The following KCNIP4 variants were observed in gnomAD, a reference collection of about 807,000 sequenced individuals.
KCNIP4 encodes potassium voltage-gated channel interacting protein 4.
In KCNIP4, 12 loss-of-function variants were observed where a neutral mutation model predicts 34.0. The observed-to-expected ratio is 0.35, with a 90% confidence interval of 0.23 to 0.57. The LOEUF (loss-of-function observed/expected upper bound fraction) is 0.57. Among genes scored for constraint, KCNIP4 ranks in the 20% least tolerant of loss-of-function variants. The probability of loss-of-function intolerance (pLI) is 0.83; values close to 1 mark genes in which losing one functional copy is unlikely to be tolerated. For missense variants in KCNIP4, 238 were observed against 311.7 expected, an observed-to-expected ratio of 0.76 and a Z score of 1.78; for synonymous variants, 124 against 102.2, an observed-to-expected ratio of 1.21 and a Z score of -1.29.
At chr4:21,900,675 G>C (rs141990546) in intron 1 of KCNIP4, among the ~76,000 whole-genome samples, 133 of 152,248 alleles carry the variant, frequency 8.7e-4, no homozygotes, top group African/African-American at 2.8e-3. Flanking sequence ...TGCATCTTAA[G>C]TTTTGATTTC....
chr4:21,793,190 T>C (rs991502577), intron 1 of KCNIP4, among the ~76,000 whole-genome samples: 1 of 152,242 alleles, frequency 6.6e-6, no homozygotes, highest in Non-Finnish European at 1.5e-5. Flanking sequence ...AAATATAAGA[T>C]AGTATCAGTT....
At chr4:21,770,915 T>C (rs1281978868) in intron 1 of KCNIP4, among the ~76,000 whole-genome samples, 1 of 152,218 alleles carries the variant, frequency 6.6e-6, no homozygotes, top group African/African-American at 2.4e-5. Context: ...CTGATGATAG[T>C]TTCTTTGCTG....
intron 3 of KCNIP4, among the ~76,000 whole-genome samples, chr4:20,783,238 C>T (rs75043597): frequency 0.032 from 4,878 of 152,232 alleles, 223 homozygotes; most frequent in African/African-American, 0.1. Context: ...TCTTCTGAGC[C>T]CTCCAAGCTG....
intron 1 of KCNIP4, among the ~76,000 whole-genome samples, chr4:21,006,625 T>C (rs557569929): frequency 1.3e-5 from 2 of 152,282 alleles, no homozygotes; most frequent in South Asian, 4.1e-4. Flanking sequence ...TACAGAAGCA[T>C]GGAAGAATGG....
At chr4:21,027,107 G>A (rs1325828335) in intron 1 of KCNIP4, among the ~76,000 whole-genome samples, 1 of 152,188 alleles carries the variant, frequency 6.6e-6, no homozygotes, top group Non-Finnish European at 1.5e-5. Context: ...TTTCTTAAGA[G>A]CTTTTTGAAC....
intron 1 of KCNIP4, among the ~76,000 whole-genome samples, chr4:21,204,024 C>T (rs1271507417): frequency 6.6e-6 from 1 of 152,138 alleles, no homozygotes; most frequent in Non-Finnish European, 1.5e-5. Context: ...ATGCTCATCG[C>T]TGGGTTGGTT....
intron 3 of KCNIP4, among the ~76,000 whole-genome samples, chr4:20,759,849 CAT>C (rs1182022687): frequency 6.6e-6 from 1 of 152,070 alleles, no homozygotes; most frequent in Non-Finnish European, 1.5e-5. Context: ...AGAATTGAAT[CAT>C]GTGAGATATT....
chr4:21,699,948 G>T (rs1488752555), intron 1 of KCNIP4, among the ~76,000 whole-genome samples: 1 of 152,106 alleles, frequency 6.6e-6, no homozygotes, highest in Admixed American at 6.6e-5. Flanking sequence ...GCCTGGAGTG[G>T]AAATACAGGT....
At chr4:21,477,363 G>A (rs1280217187) in intron 1 of KCNIP4, among the ~76,000 whole-genome samples, 2 of 152,026 alleles carry the variant, frequency 1.3e-5, no homozygotes, top group Non-Finnish European at 2.9e-5. Flanking sequence ...CTCTCCTCTA[G>A]GTCTTGATAA....
At chr4:20,857,175 C>T (rs767150910) in intron 2 of KCNIP4, among the ~76,000 whole-genome samples, 47 of 151,972 alleles carry the variant, frequency 3.1e-4, no homozygotes, top group Non-Finnish European at 6.3e-4. Context: ...GGGTGACAGG[C>T]TCTAAAAACA....
chr4:20,988,588 G>GA (rs1736803378), intron 1 of KCNIP4, among the ~76,000 whole-genome samples: 1 of 152,144 alleles, frequency 6.6e-6, no homozygotes, highest in Non-Finnish European at 1.5e-5. Context: ...GCAAGATTGA[G>GA]AAAAACGTTA....
rs76943471 is a variant in KCNIP4 at position 20,778,878 on chromosome 4, A to T, written c.289-19988T>A. Among the ~76,000 whole-genome samples, 619 of 152,272 alleles carry T rather than the reference A, an allele frequency of 4.1e-3. 4 individuals are homozygous for T. The highest frequency in any genetic ancestry group is 0.014 in the African/African-American group (594 of 41,574). ...AGAGAGAGCTGTGTGTGCATGTAAA[A>T]GTTGTTGTTATTGCTGATTTGGAAT... On this transcript the variant is annotated intron_variant, in intron 3 of 8. Transcript: ENST00000382152.
rs111215818 is a variant in KCNIP4 at position 21,234,091 on chromosome 4, T to C, written c.62-351382A>G. On this transcript the variant is annotated intron_variant, in intron 1 of 8. Coordinates refer to ENST00000382152, the MANE Select transcript of KCNIP4 (RefSeq NM_025221.6). ...ACATAACATAACATATAACGTATAT[T>C]ATATATAACATATATAACGTATATT... Among the ~76,000 whole-genome samples the C allele has an allele frequency of 7.5e-5, 7 of 93,050 alleles. 3 individuals carry two copies. The highest frequency in any genetic ancestry group is 3.7e-4 in the African/African-American group (6 of 16,208). The allele number at this position is 93,050 out of a possible 152,430, so 61.0% of individuals were successfully genotyped here.
At chr4:20,875,480 A>T (rs1010293786) in intron 2 of KCNIP4, among the ~76,000 whole-genome samples, 2 of 152,212 alleles carry the variant, frequency 1.3e-5, no homozygotes, top group Admixed American at 1.3e-4. Context: ...GTAAGTTCTA[A>T]ATGTTTGTTA....
chr4:21,318,920 A>C (rs1435872385), intron 1 of KCNIP4, among the ~76,000 whole-genome samples: 1 of 152,144 alleles, frequency 6.6e-6, no homozygotes, highest in Non-Finnish European at 1.5e-5. Flanking sequence ...CTGTGAAAAA[A>C]ACTCAACATA....
intron 1 of KCNIP4, among the ~76,000 whole-genome samples, chr4:21,568,640 C>T (rs1173540759): frequency 6.6e-6 from 1 of 152,130 alleles, no homozygotes; most frequent in African/African-American, 2.4e-5. Flanking sequence ...AAACATCAGA[C>T]TCTAAGTTCT....
chr4:21,732,037 T>C (rs940970524), intron 1 of KCNIP4, among the ~76,000 whole-genome samples: 3 of 150,906 alleles, frequency 2.0e-5, no homozygotes, highest in East Asian at 1.9e-4. Flanking sequence ...AATATATATA[T>C]ATTTAATTGA....
chr4:21,559,982 C>T (rs1739382650), intron 1 of KCNIP4, among the ~76,000 whole-genome samples: 1 of 151,922 alleles, frequency 6.6e-6, no homozygotes, highest in African/African-American at 2.4e-5. Context: ...TGATTTATGC[C>T]CTTACTTGAT....
intron 1 of KCNIP4, among the ~76,000 whole-genome samples, chr4:21,750,428 C>T (rs1053892828): frequency 2.0e-5 from 3 of 152,140 alleles, no homozygotes; most frequent in African/African-American, 7.2e-5. Flanking sequence ...TGGAGTGACA[C>T]CAGCATTTCC....
Sources: allele counts gnomAD v4.1 joint callset (sites outside exome capture counted in the v4.1 genomes callset), GRCh38; gene constraint gnomAD v4.1.1; transcripts MANE v1.5; gene names NCBI Gene and HGNC (gene_info 2026-07-23, HGNC 2026-07-21).